Variants in KIAA1217 observed in about 807,000 individuals in gnomAD.
KIAA1217 encodes KIAA1217, also known as sickle tail protein homolog.
Under a neutral mutation model 163.9 loss-of-function variants are expected in KIAA1217, and 88 were observed. The ratio of observed to expected loss-of-function variants is 0.54; its 90% CI spans 0.45 to 0.64. The LOEUF (loss-of-function observed/expected upper bound fraction) is 0.64. Ranked by LOEUF, KIAA1217 falls within the 30% of genes least tolerant of loss-of-function variation. KIAA1217 has a pLI of 0.00. For missense variants in KIAA1217, 2,372 were observed against 2,475.0 expected, an observed-to-expected ratio of 0.96 and a Z score of 0.88; for synonymous variants, 903 against 923.1, an observed-to-expected ratio of 0.98 and a Z score of 0.39.
intron 2 of KIAA1217, among the ~76,000 whole-genome samples, chr10:24,101,079 A>G (rs1031698899): frequency 6.6e-6 from 1 of 152,098 alleles, no homozygotes; most frequent in Non-Finnish European, 1.5e-5. Flanking sequence ...AACAAAACAA[A>G]AAACAGTATT....
chr10:23,790,500 T>C lies in KIAA1217; in HGVS notation c.-321+95266T>C, dbSNP rs1257181402. Reference sequence around the variant, plus strand: ...ATGTGCATATATACATATATACATGTGCATATATACATATGTATATATACA... The same window carrying C: ...ATGTGCATATATACATATATACATGCGCATATATACATATGTATATATACA... On this transcript the variant is annotated intron_variant, in intron 1 of 18. Transcript: ENST00000376462. Among the ~76,000 whole-genome samples the C allele has an allele frequency of 4.7e-5, 5 of 106,110 alleles. 1 individual carries two copies. Among genetic ancestry groups the C allele is most frequent in the Non-Finnish European group, 9.0e-5 (5 of 55,740 alleles). 69.6% of individuals were successfully genotyped at this position (106,110 alleles called of 152,430 possible).
At chr10:24,533,336 G>T in intron 16 of KIAA1217, 99 bp downstream of exon 16, 2 of 1,200,532 alleles carry the variant, frequency 1.7e-6, no homozygotes, top group Admixed American at 2.4e-5. Context: ...CCAGGGAAGC[G>T]CATGGACCGG....
At chr10:23,939,178 G>C (rs571463342) in intron 1 of KIAA1217, among the ~76,000 whole-genome samples, 1 of 152,114 alleles carries the variant, frequency 6.6e-6, no homozygotes, top group African/African-American at 2.4e-5. Context: ...AAGTCAGAAA[G>C]TAAAAAAGGA....
intron 1 of KIAA1217, among the ~76,000 whole-genome samples, chr10:23,824,267 C>A (rs576220550): frequency 2.9e-4 from 44 of 151,530 alleles, no homozygotes; most frequent in Non-Finnish European, 6.2e-4. Flanking sequence ...GGAGTTAAGA[C>A]CCTGTCTCAA....
At chr10:24,373,214 G>C (rs2051940459) in intron 2 of KIAA1217, among the ~76,000 whole-genome samples, 1 of 152,160 alleles carries the variant, frequency 6.6e-6, no homozygotes, top group Non-Finnish European at 1.5e-5. Context: ...CTTCCCAGTT[G>C]TGGGTCACTT....
chr10:24,009,735 G>C (rs1360308422), intron 2 of KIAA1217, among the ~76,000 whole-genome samples: 2 of 152,118 alleles, frequency 1.3e-5, no homozygotes, highest in African/African-American at 2.4e-5. Context: ...ACCGAGCTCT[G>C]GAAGGAAGTG....
intron 1 of KIAA1217, among the ~76,000 whole-genome samples, chr10:23,735,251 T>C (rs1198072172): frequency 2.0e-5 from 3 of 150,300 alleles, no homozygotes; most frequent in Non-Finnish European, 4.4e-5. Context: ...TTATTTATTT[T>C]GAGATGGAGT....
intron 1 of KIAA1217, among the ~76,000 whole-genome samples, chr10:23,823,742 A>C (rs1837735808): frequency 6.6e-6 from 1 of 152,198 alleles, no homozygotes; most frequent in South Asian, 2.1e-4. Context: ...AATAAGAGTG[A>C]CTAAAATATC....
At chr10:23,816,661 A>G (rs1837326710) in intron 1 of KIAA1217, among the ~76,000 whole-genome samples, 1 of 152,200 alleles carries the variant, frequency 6.6e-6, no homozygotes, top group South Asian at 2.1e-4. Context: ...TTTGGAAGAA[A>G]TGAAGAGTGA....
chr10:24,086,785 T>C (rs1201355468), intron 2 of KIAA1217, among the ~76,000 whole-genome samples: 1 of 152,186 alleles, frequency 6.6e-6, no homozygotes, highest in Non-Finnish European at 1.5e-5. Context: ...TTATAGGCAT[T>C]AAAATAGACA....
chr10:24,137,350 G>A (rs1295970490), intron 2 of KIAA1217, among the ~76,000 whole-genome samples: 4 of 152,194 alleles, frequency 2.6e-5, no homozygotes, highest in Non-Finnish European at 4.4e-5. Context: ...CCTGCTCCAA[G>A]CCAAATGCCA....
intron 2 of KIAA1217, among the ~76,000 whole-genome samples, chr10:24,125,867 C>T (rs764827436): frequency 1.1e-4 from 16 of 152,112 alleles, no homozygotes; most frequent in African/African-American, 1.7e-4. Flanking sequence ...GAAGATATTT[C>T]GCTGATTACT....
At chr10:24,366,766 A>T (rs2050842025) in intron 2 of KIAA1217, among the ~76,000 whole-genome samples, 1 of 152,194 alleles carries the variant, frequency 6.6e-6, no homozygotes, top group Non-Finnish European at 1.5e-5. Context: ...TGGCTAAGAA[A>T]GCTATTTCAT....
intron 4 of KIAA1217, among the ~76,000 whole-genome samples, chr10:24,435,939 C>G (rs1191762671): frequency 6.6e-6 from 1 of 151,860 alleles, no homozygotes; most frequent in African/African-American, 2.4e-5. Flanking sequence ...CAGTTCACTG[C>G]AGCCACCACC....
chr10:23,793,981 G>C (rs1165800508), intron 1 of KIAA1217, among the ~76,000 whole-genome samples: 2 of 152,144 alleles, frequency 1.3e-5, no homozygotes. Context: ...GCTTTTAAAA[G>C]CACCCGGATG....
At chr10:24,187,990 G>A (rs959145741) in intron 2 of KIAA1217, among the ~76,000 whole-genome samples, 1 of 152,118 alleles carries the variant, frequency 6.6e-6, no homozygotes, top group East Asian at 1.9e-4. Flanking sequence ...TTGAGGTCAG[G>A]AGTTCGAGAC....
intron 3 of KIAA1217, among the ~76,000 whole-genome samples, chr10:24,386,826 A>G (rs1381084176): frequency 6.6e-6 from 1 of 152,126 alleles, no homozygotes; most frequent in Admixed American, 6.5e-5. Flanking sequence ...TGATCCTCCC[A>G]CATTGGCCTC....
intron 2 of KIAA1217, among the ~76,000 whole-genome samples, chr10:24,140,359 C>CAAAA (rs1260294070): frequency 4.2e-4 from 40 of 94,278 alleles, no homozygotes; most frequent in African/African-American, 1.5e-3. Flanking sequence ...GACTCTGTCT[C>CAAAA]AAAAAAAAAA....
chr10:24,122,108 C>A (rs943103067), intron 2 of KIAA1217, among the ~76,000 whole-genome samples: 7 of 152,068 alleles, frequency 4.6e-5, no homozygotes, highest in Non-Finnish European at 8.8e-5. Flanking sequence ...TCCCATCACC[C>A]AGGTGTGAAC....
Sources: allele counts gnomAD v4.1 joint callset (sites outside exome capture counted in the v4.1 genomes callset), GRCh38; gene constraint gnomAD v4.1.1; transcripts MANE v1.5; gene names NCBI Gene and HGNC (gene_info 2026-07-23, HGNC 2026-07-21).